RNF208: variants seen among roughly 807,000 people sequenced by gnomAD.
RNF208 encodes ring finger protein 208.
A neutral mutation model predicts 15.2 loss-of-function variants in RNF208; 7 were observed. The observed-to-expected ratio is 0.46, with a 90% CI of 0.26 to 0.86. RNF208 has a LOEUF of 0.86. Among genes scored for constraint, RNF208 ranks in the 40% least tolerant of loss-of-function variants. The pLI is 0.16. For synonymous variants in RNF208, 211 were observed against 163.2 expected (o/e 1.29, Z -2.23); for missense variants, 342 against 364.1 (o/e 0.94, Z 0.49).
At chr9:137,223,210 G>C (rs1206012050), upstream of RNF208, among the ~76,000 whole-genome samples, 1 of 152,252 alleles carries the variant, frequency 6.6e-6, no homozygotes, top group Admixed American at 6.5e-5. Flanking sequence ...TGGCCCCTCT[G>C]TGGGGCCTCG....
chr9:137,221,245 T>C lies in RNF208; in HGVS notation c.-33A>G, dbSNP rs1411762000. On this transcript the variant is annotated 5_prime_UTR_variant, in exon 2 of 2. Coordinates refer to ENST00000391553, the MANE Select transcript of RNF208 (RefSeq NM_031297.7). ...TCTCCAGTCAGACTGGATGTTCGGG[T>C]GGGTGGGGGCGTTGTGTGGGGCTGG... is the stretch of plus-strand genomic sequence containing the variant. The C allele has an allele frequency of 3.9e-6, 1 of 254,680 alleles. No individual in the cohort carries two copies. Among genetic ancestry groups the C allele is most frequent in the Admixed American group, 2.1e-4 (1 of 4,732 alleles). 15.8% of individuals were successfully genotyped at this position (254,680 alleles called of 1,614,324 possible). A position where few individuals can be genotyped will look rare whatever the true frequency, so the allele number is the denominator to read the frequency against.
chr9:137,221,158 A>T lies in RNF208; in HGVS notation c.55T>A (p.Ser19Thr). The T allele has an allele frequency of 6.4e-7, 1 of 1,560,992 alleles. No homozygotes were observed. The highest frequency in any genetic ancestry group is 1.8e-5 in the Admixed American group (1 of 55,172). The part of the protein sequence containing the change: ...AGSGWPGLLM[S>T]CLKGPHVILK... ...ATGACATGGGGACCCTTCAGGCAGG[A>T]CATGAGGAGGCCCGGCCAGCCACTG... The change falls in exon 2 of 2, where the codon TCC becomes ACC. Residue 19 changes from serine (S) to threonine (T), a missense_variant. This residue lies in a region of RNF208 where 207 missense variants were observed against 193.7 expected (regional missense o/e 1.07). Transcript: ENST00000391553.
Position 137,220,623 on chromosome 9 carries a change from G to C in RNF208, c.590C>G (p.Thr197Ser). 2 of 1,612,590 alleles carry C rather than the reference G, an allele frequency of 1.2e-6. No homozygotes were observed. The highest frequency in any genetic ancestry group is 1.7e-6 in the Non-Finnish European group (2 of 1,179,912). ...AGCCAGCGCGGCCAGGCCGTAGTCGGTGAAGAGCACAGTCTCACGGCGGCA... is the reference window on the plus strand; with the variant it reads ...AGCCAGCGCGGCCAGGCCGTAGTCGCTGAAGAGCACAGTCTCACGGCGGCA... ...PTCRRETVLFTDYGLAALAVN... is the reference protein window; with the variant it reads ...PTCRRETVLFSDYGLAALAVN... Residue 197 changes from threonine (T) to serine (S), a missense_variant, in exon 2 of 2, where the codon ACC becomes AGC. Coordinates refer to ENST00000391553, the MANE Select transcript of RNF208 (RefSeq NM_031297.7).
In RNF208 at chr9:137,221,351, C is replaced by T. The variant is rs926933891; in HGVS notation, c.-139G>A. 2.0e-5 allele frequency: 9 copies of T among 457,818 alleles called. No homozygotes were observed. Among genetic ancestry groups the T allele is most frequent in the Admixed American group, 1.2e-4 (3 of 24,802 alleles). 28.4% of individuals were successfully genotyped at this position (457,818 alleles called of 1,614,324 possible). On this transcript the variant is annotated 5_prime_UTR_variant, in exon 2 of 2. Transcript: ENST00000391553. ...CGGCCCGTGGACTCCTAGGGACAGCCGGCGAGAGTTGGGGGTGCAGGGCCC... is the reference window on the plus strand; with the variant it reads ...CGGCCCGTGGACTCCTAGGGACAGCTGGCGAGAGTTGGGGGTGCAGGGCCC...
At position 137,220,715 on chromosome 9, in the gene RNF208, C is replaced by G. The variant is rs774629034; in HGVS notation, c.498G>C (p.Val166=). Residue 166 remains valine, a synonymous_variant, in exon 2 of 2, where the codon GTG becomes GTC. Coordinates refer to ENST00000391553, the MANE Select transcript of RNF208 (RefSeq NM_031297.7). ...AGAGAATCTGCAGGCACTGCTCACA[C>G]ACAGAGTGCAGGCAGGACAGCACGC... ...RPRVLSCLHS[V]CEQCLQILYE... The G allele has an allele frequency of 6.2e-7, 1 of 1,612,466 alleles. No homozygotes were observed. Among genetic ancestry groups the G allele is most frequent in the Non-Finnish European group, 8.5e-7 (1 of 1,179,952 alleles).
In RNF208 at chr9:137,222,231, G is replaced by C. The variant is rs1031247412; in HGVS notation, c.-769C>G. On this transcript the variant is annotated 5_prime_UTR_variant, in exon 1 of 2. Transcript: ENST00000391553. ...ACGGCGGCAGGTGCGTGCGGAGCGT[G>C]GCGCGCTCTGCGGCGGAGGCGCGGG... 6.8e-5 allele frequency among the ~76,000 whole-genome samples: 10 copies of C among 146,266 alleles called. No individual in the cohort carries two copies. The highest frequency in any genetic ancestry group is 1.4e-4 in the Non-Finnish European group (9 of 65,830).
chr9:137,220,604 C>A lies in RNF208; in HGVS notation c.609G>T (p.Ala203=). 1 of 1,612,092 alleles carries A rather than the reference C, an allele frequency of 6.2e-7. No homozygotes were observed. Among genetic ancestry groups the A allele is most frequent in the Non-Finnish European group, 8.5e-7 (1 of 1,179,750 alleles). ...TCAGGATGGACGTGTTGACAGCCAG[C>A]GCGGCCAGGCCGTAGTCGGTGAAGA... ...TVLFTDYGLA[A]LAVNTSILSR... Residue 203 remains alanine (A), a synonymous_variant, in exon 2 of 2, where the codon GCG becomes GCT. Coordinates refer to ENST00000391553, the MANE Select transcript of RNF208 (RefSeq NM_031297.7).
chr9:137,221,074 C>T lies in RNF208; in HGVS notation c.139G>A (p.Ala47Thr). Residue 47 changes from alanine to threonine, a missense_variant, in exon 2 of 2, where the codon GCC (alanine) becomes ACC (threonine). Physicochemically the swap from Ala to Thr is moderately conservative, Grantham distance 58 (BLOSUM62 0). Transcript: ENST00000391553. The part of the protein sequence containing the change: ...HPEKFPELPA[A>T]PCFPPAPRPT... ...CGGGGAGCAGGCGGGAAGCAGGGGGCAGCCGGTAGCTCAGGGAACTTTTCA... is the reference window on the plus strand; with the variant it reads ...CGGGGAGCAGGCGGGAAGCAGGGGGTAGCCGGTAGCTCAGGGAACTTTTCA... 1.9e-6 allele frequency: 3 copies of T among 1,603,850 alleles called. No homozygotes were observed. The highest frequency in any genetic ancestry group is 2.2e-5 in the East Asian group (1 of 44,456).
rs764195215 is a variant in RNF208 at position 137,221,048 on chromosome 9, C to T, written c.165G>A (p.Arg55=). ...GCTTGGGTGCCAGAGTTGGGGTGGG[C>T]CGGGGAGCAGGCGGGAAGCAGGGGG... The part of the protein sequence containing the change: ...PAAPCFPPAP[R]PTPTLAPKRA... The change falls in exon 2 of 2, where the codon CGG becomes CGA. Residue 55 remains arginine (R), a synonymous_variant. Transcript: ENST00000391553. 1.9e-6 allele frequency: 3 copies of T among 1,595,758 alleles called. No individual in the cohort carries two copies. The East Asian group carries it at 6.8e-5, about 36-fold the overall frequency.
upstream of RNF208, among the ~76,000 whole-genome samples, chr9:137,222,651 G>T (rs971951186): frequency 2.0e-5 from 3 of 152,242 alleles, no homozygotes; most frequent in Admixed American, 2.0e-4. Context: ...CTCCAGCTCC[G>T]CCTGTGCCCG....
chr9:137,223,366 A>G (rs555453944), upstream of RNF208, among the ~76,000 whole-genome samples: 1 of 152,170 alleles, frequency 6.6e-6, no homozygotes, highest in African/African-American at 2.4e-5. Flanking sequence ...GCTCCGCCGC[A>G]GACTCTGCTC....
rs374015550 is a variant in RNF208 at position 137,221,168 on chromosome 9, G to A, written c.45C>T (p.Gly15=). 55 of 1,540,510 alleles carry A rather than the reference G, an allele frequency of 3.6e-5. No homozygotes were observed. The highest frequency in any genetic ancestry group is 4.7e-5 in the Non-Finnish European group (54 of 1,140,988). Residue 15 remains glycine, a synonymous_variant, in exon 2 of 2, where the codon GGC becomes GGT. Transcript: ENST00000391553. The stretch of plus-strand genomic sequence containing the variant: ...GACCCTTCAGGCAGGACATGAGGAG[G>A]CCCGGCCAGCCACTGCCCGCCTCGG... ...PGPEAGSGWP[G]LLMSCLKGPH... is the part of the protein sequence containing the mutation.
At position 137,220,742 on chromosome 9, in the gene RNF208, G is replaced by A. The variant is rs1260985565; in HGVS notation, c.471C>T (p.Pro157=). 3 of 1,612,422 alleles carry A rather than the reference G, an allele frequency of 1.9e-6. No homozygotes were observed. Among genetic ancestry groups the A allele is most frequent in the Non-Finnish European group, 2.5e-6 (3 of 1,179,878 alleles). ...GHSYNVTQRR[P]RVLSCLHSVC... Reference sequence around the variant, plus strand: ...CAGAGTGCAGGCAGGACAGCACGCGGGGCCTCCGCTGGGTGACATTGTAGG... The same window carrying A: ...CAGAGTGCAGGCAGGACAGCACGCGAGGCCTCCGCTGGGTGACATTGTAGG... The change falls in exon 2 of 2, where the codon CCC becomes CCT. Residue 157 remains proline (P), a synonymous_variant. Coordinates refer to ENST00000391553, the MANE Select transcript of RNF208 (RefSeq NM_031297.7).
chr9:137,223,400 A>T (rs1835905392), upstream of RNF208, among the ~76,000 whole-genome samples: 1 of 152,064 alleles, frequency 6.6e-6, no homozygotes, highest in Non-Finnish European at 1.5e-5. Context: ...GCGCCCGAGG[A>T]AGCACCAGGC....
chr9:137,221,022 C>T lies in RNF208; in HGVS notation c.191G>A (p.Arg64His), dbSNP rs768178758. 3.2e-6 allele frequency: 5 copies of T among 1,584,640 alleles called. No individual in the cohort carries two copies. The highest frequency in any genetic ancestry group is 1.1e-5 in the South Asian group (1 of 87,436). The change falls in exon 2 of 2, where the codon CGT (arginine) becomes CAT (histidine). Residue 64 changes from arginine (R) to histidine (H), a missense_variant. By Grantham distance (29) the Arg-to-His change is conservative (BLOSUM62 0). Transcript: ENST00000391553. ...GATCTCTGTGTCTGAGGGCCAGGCACGCTTGGGTGCCAGAGTTGGGGTGGG... is the reference window on the plus strand; with the variant it reads ...GATCTCTGTGTCTGAGGGCCAGGCATGCTTGGGTGCCAGAGTTGGGGTGGG... Reference protein sequence around the residue: ...PRPTPTLAPKRAWPSDTEIIV... With the variant: ...PRPTPTLAPKHAWPSDTEIIV...
upstream of RNF208, among the ~76,000 whole-genome samples, chr9:137,222,979 C>T (rs1486038020): frequency 6.6e-6 from 1 of 152,268 alleles, no homozygotes; most frequent in African/African-American, 2.4e-5. Context: ...GCTTCGAGGG[C>T]CTCCGCTGCC....
At position 137,220,850 on chromosome 9, in the gene RNF208, G is replaced by C; in HGVS notation, c.363C>G (p.Tyr121Ter). Residue 121 changes from tyrosine to a stop codon, truncating the protein, a stop_gained, in exon 2 of 2, where the codon TAC becomes TAG. Transcript: ENST00000391553. LOFTEE classifies it high-confidence loss of function. ...AGGCCGAGGGGCCAGGCCGAATCACGTACTGATTCACAATGACCTCATCCT... is the reference window on the plus strand; with the variant it reads ...AGGCCGAGGGGCCAGGCCGAATCACCTACTGATTCACAATGACCTCATCCT... ...APEDEVIVNQ[Y>*]VIRPGPSASA... 2 of 1,602,612 alleles carry C rather than the reference G, an allele frequency of 1.2e-6. No individual in the cohort carries two copies. Among genetic ancestry groups the C allele is most frequent in the Non-Finnish European group, 1.7e-6 (2 of 1,174,194 alleles).
In RNF208 at chr9:137,221,098, C is replaced by T. The variant is rs1361745046; in HGVS notation, c.115G>A (p.Glu39Lys). ...GCAGCCGGTAGCTCAGGGAACTTTT[C>T]AGGGTGGACAATCTTCATGGCCTCC... ...KMEAMKIVHP[E>K]KFPELPAAPC... Residue 39 changes from glutamate (E) to lysine (K), a missense_variant, in exon 2 of 2, where the codon GAA becomes AAA. This residue lies in a region of RNF208 where 207 missense variants were observed against 193.7 expected (regional missense o/e 1.07). Transcript: ENST00000391553. The T allele has an allele frequency of 5.0e-6, 8 of 1,605,650 alleles. No individual in the cohort carries two copies. The highest frequency in any genetic ancestry group is 6.8e-6 in the Non-Finnish European group (8 of 1,176,550).
chr9:137,223,344 G>A (rs769391182), upstream of RNF208, among the ~76,000 whole-genome samples: 72 of 152,338 alleles, frequency 4.7e-4, 1 homozygote, highest in Non-Finnish European at 8.7e-4. Flanking sequence ...CCTGGGGAGG[G>A]CCGGGAGCCC....
Sources: allele counts gnomAD v4.1 joint callset (sites outside exome capture counted in the v4.1 genomes callset), GRCh38; gene constraint gnomAD v4.1.1; regional missense constraint gnomAD v4.1.1; transcripts MANE v1.5; gene names NCBI Gene and HGNC (gene_info 2026-07-23, HGNC 2026-07-21).